Variants in PDE3A observed in about 807,000 individuals in gnomAD.
The protein encoded by PDE3A is phosphodiesterase 3A.
Under a neutral mutation model 98.3 loss-of-function variants are expected in PDE3A, and 43 were observed. The ratio of observed to expected loss-of-function variants is 0.44; its 90% CI spans 0.34 to 0.56. The LOEUF (loss-of-function observed/expected upper bound fraction) is 0.56. PDE3A is among the 20% of genes least tolerant of loss of function. The pLI is 0.01. For synonymous variants in PDE3A, 663 were observed against 567.9 expected (o/e 1.17, Z -2.38); for missense variants, 1,427 against 1,440.7 (o/e 0.99, Z 0.15).
intron 15 of PDE3A, among the ~76,000 whole-genome samples, chr12:20,668,254 C>G (rs971630464): frequency 2.6e-5 from 4 of 152,184 alleles, no homozygotes; most frequent in Non-Finnish European, 5.9e-5. Context: ...AACTGCAAGG[C>G]GGCAGTGAGG....
At chr12:20,522,600 A>G (rs781484021) in intron 1 of PDE3A, among the ~76,000 whole-genome samples, 15 of 152,116 alleles carry the variant, frequency 9.9e-5, no homozygotes, top group Non-Finnish European at 1.9e-4. Flanking sequence ...TCTGGGAGGA[A>G]AGCTTTGTGG....
chr12:20,593,656 C>T lies in PDE3A; in HGVS notation c.1012-19787C>T, dbSNP rs1189615826. On this transcript the variant is annotated intron_variant, in intron 2 of 15. Transcript: ENST00000359062. ...AATACAAATAAAACCTAAGAGTCAA[C>T]GTGTCCAGTTTTGGTTAGTGATTTT... Among the ~76,000 whole-genome samples the T allele has an allele frequency of 3.3e-5, 5 of 151,990 alleles. No homozygotes were observed. In the South Asian group the frequency reaches 6.2e-4, roughly 19 times the overall value.
chr12:20,407,489 A>G (rs1382566406), intron 1 of PDE3A, among the ~76,000 whole-genome samples: 1 of 152,178 alleles, frequency 6.6e-6, no homozygotes, highest in Non-Finnish European at 1.5e-5. Context: ...TTGGTGTAGA[A>G]GTGTAGTAAC....
chr12:20,484,090 C>T lies in PDE3A; in HGVS notation c.961-72570C>T, dbSNP rs1264098773. 3.3e-5 allele frequency among the ~76,000 whole-genome samples: 5 copies of T among 151,954 alleles called. No individual in the cohort carries two copies. In the East Asian group the frequency reaches 9.6e-4, roughly 29 times the overall value. On this transcript the variant is annotated intron_variant, in intron 1 of 15. Coordinates refer to ENST00000359062, the MANE Select transcript of PDE3A (RefSeq NM_000921.5). ...TTTCTGGAGTATTTTCAAAAATCTC[C>T]TTGTGTATATATTGGAATATTTTTA...
chr12:20,571,751 TA>T, intron 2 of PDE3A: 1 of 182,278 alleles, frequency 5.5e-6, no homozygotes, highest in Non-Finnish European at 1.0e-5. Context: ...GTCCCAGCTC[TA>T]AGCACTGTTT....
At chr12:20,477,455 AC>A (rs1428153430) in intron 1 of PDE3A, among the ~76,000 whole-genome samples, 3 of 152,114 alleles carry the variant, frequency 2.0e-5, no homozygotes, top group Admixed American at 6.6e-5. Context: ...GCAATAATGA[AC>A]CCCTGCTCTG....
In PDE3A at chr12:20,633,710, C is replaced by A. The variant is rs149228267; in HGVS notation, c.1778C>A (p.Ser593Tyr). Residue 593 changes from serine to tyrosine, a missense_variant, in exon 7 of 16, where the codon TCC (serine) becomes TAC (tyrosine). This residue lies in a region of PDE3A where 1,012 missense variants were observed against 886.5 expected (regional missense o/e 1.14). Transcript: ENST00000359062. ...TTTTTTAGCTGTGGCAGACCATATTCCCAAGGGAATCCTGCTGATGAGCCC... is the reference window on the plus strand; with the variant it reads ...TTTTTTAGCTGTGGCAGACCATATTACCAAGGGAATCCTGCTGATGAGCCC... ...VICSSCGRPYSQGNPADEPLE... is the reference protein window; with the variant it reads ...VICSSCGRPYYQGNPADEPLE... 3 of 1,609,640 alleles carry A rather than the reference C, an allele frequency of 1.9e-6. No homozygotes were observed. Among genetic ancestry groups the A allele is most frequent in the Non-Finnish European group, 2.5e-6 (3 of 1,177,334 alleles).
intron 1 of PDE3A, among the ~76,000 whole-genome samples, chr12:20,479,399 A>G (rs1447400759): frequency 6.6e-6 from 1 of 152,190 alleles, no homozygotes; most frequent in Non-Finnish European, 1.5e-5. Flanking sequence ...CTCCTTGATC[A>G]GTCCTGAAGT....
intron 2 of PDE3A, among the ~76,000 whole-genome samples, chr12:20,562,017 G>A (rs958884243): frequency 1.4e-4 from 21 of 152,052 alleles, no homozygotes; most frequent in African/African-American, 4.3e-4. Context: ...TCACCCAAAT[G>A]TAGGAAAGAT....
intron 4 of PDE3A, among the ~76,000 whole-genome samples, chr12:20,620,444 C>T (rs11045334): frequency 0.011 from 1,744 of 152,116 alleles, 19 homozygotes; most frequent in Middle Eastern, 0.044. Context: ...TTCGAAATTC[C>T]CTTCTCTCCC....
chr12:20,636,806 T>C (rs1330804080), intron 8 of PDE3A, among the ~76,000 whole-genome samples: 1 of 152,202 alleles, frequency 6.6e-6, no homozygotes, highest in African/African-American at 2.4e-5. Context: ...AAAGTAGTTA[T>C]ACTAACTTAT....
At chr12:20,380,344 G>A (rs756009749) in intron 1 of PDE3A, among the ~76,000 whole-genome samples, 14 of 151,808 alleles carry the variant, frequency 9.2e-5, no homozygotes, top group African/African-American at 1.2e-4. Context: ...TAGAAATTTG[G>A]TAGCATAATT....
At chr12:20,668,214 G>T (rs1451628516) in intron 15 of PDE3A, among the ~76,000 whole-genome samples, 2 of 152,092 alleles carry the variant, frequency 1.3e-5, no homozygotes, top group South Asian at 2.1e-4. Flanking sequence ...ACAGAGTCTC[G>T]CTGATTGCTA....
intron 2 of PDE3A, among the ~76,000 whole-genome samples, chr12:20,577,314 T>C (rs777249951): frequency 1.3e-5 from 2 of 152,016 alleles, no homozygotes; most frequent in Non-Finnish European, 2.9e-5. Context: ...TATGATGAAA[T>C]GGTGGGTTAG....
chr12:20,447,452 G>A (rs1433391658), intron 1 of PDE3A, among the ~76,000 whole-genome samples: 1 of 152,152 alleles, frequency 6.6e-6, no homozygotes, highest in African/African-American at 2.4e-5. Context: ...AACCTCTGCA[G>A]GGCTGAAGGT....
intron 1 of PDE3A, among the ~76,000 whole-genome samples, chr12:20,377,250 T>C (rs1019659919): frequency 6.6e-6 from 1 of 151,704 alleles, no homozygotes; most frequent in African/African-American, 2.4e-5. Flanking sequence ...CCAGTAGAAA[T>C]ACAACACAAG....
chr12:20,462,754 C>T (rs541470200), intron 1 of PDE3A, among the ~76,000 whole-genome samples: 3 of 151,720 alleles, frequency 2.0e-5, no homozygotes, highest in Non-Finnish European at 4.4e-5. Context: ...TTAAAAACGT[C>T]TTGTAAAATA....
intron 10 of PDE3A, among the ~76,000 whole-genome samples, chr12:20,643,106 T>C (rs1359614849): frequency 1.3e-5 from 2 of 152,106 alleles, no homozygotes; most frequent in African/African-American, 2.4e-5. Flanking sequence ...TGCTAGTGTA[T>C]GCATGTGCGT....
intron 1 of PDE3A, among the ~76,000 whole-genome samples, chr12:20,455,712 ACAT>A (rs1945141643): frequency 6.6e-6 from 1 of 152,152 alleles, no homozygotes. Flanking sequence ...AAACAGATAA[ACAT>A]CATATTAATT....
Sources: gnomAD v4.1 joint callset for allele counts (sites outside exome capture counted in the v4.1 genomes callset) on GRCh38, gnomAD v4.1.1 for gene constraint, gnomAD v4.1.1 regional missense constraint, MANE v1.5 for transcripts, NCBI Gene and HGNC (gene_info 2026-07-23, HGNC 2026-07-21) for gene names.